The following PTPRG variants were observed in gnomAD, a reference collection of about 807,000 sequenced individuals.
The protein encoded by PTPRG is protein tyrosine phosphatase receptor type G.
A neutral mutation model predicts 165.3 loss-of-function variants in PTPRG; 102 were observed. That is an observed-to-expected ratio of 0.62 (90% CI 0.53 to 0.73). The LOEUF (loss-of-function observed/expected upper bound fraction) is 0.73. PTPRG is among the 30% of genes least tolerant of loss of function. PTPRG has a pLI of 0.00. For synonymous variants in PTPRG, 675 were observed against 669.5 expected (o/e 1.01, Z -0.13); for missense variants, 1,866 against 1,861.4 (o/e 1.00, Z -0.05).
intron 2 of PTPRG, among the ~76,000 whole-genome samples, chr3:61,768,014 C>G (rs1455128510): frequency 1.3e-5 from 2 of 149,640 alleles, no homozygotes; most frequent in Non-Finnish European, 3.0e-5. Flanking sequence ...TAATTTTGAT[C>G]TCTCACTACG....
At chr3:61,658,835 C>T (rs561682198) in intron 1 of PTPRG, among the ~76,000 whole-genome samples, 1 of 152,234 alleles carries the variant, frequency 6.6e-6, no homozygotes, top group African/African-American at 2.4e-5. Flanking sequence ...AGAAAAAGAC[C>T]ATCTTCAAGT....
intron 2 of PTPRG, among the ~76,000 whole-genome samples, chr3:61,892,750 A>AG (rs913491954): frequency 3.3e-5 from 5 of 151,290 alleles, no homozygotes; most frequent in African/African-American, 1.2e-4. Flanking sequence ...CGGGAGGGGG[A>AG]GGTTGCAGTG....
At chr3:62,201,709 T>G (rs970645992) in intron 11 of PTPRG, among the ~76,000 whole-genome samples, 155 bp downstream of exon 11, 1 of 152,220 alleles carries the variant, frequency 6.6e-6, no homozygotes, top group African/African-American at 2.4e-5. Context: ...TTTTTATAAT[T>G]CAGTACCTTA....
chr3:61,680,777 C>G lies in PTPRG; in HGVS notation c.86-68101C>G. 2.9e-5 allele frequency among the ~76,000 whole-genome samples: 2 copies of G among 69,512 alleles called. 1 individual carries two copies. The highest frequency in any genetic ancestry group is 3.1e-4 in the Admixed American group (2 of 6,488). The allele number at this position is 69,512 out of a possible 152,430, so 45.6% of individuals were successfully genotyped here. A position where few individuals can be genotyped will look rare whatever the true frequency, so the allele number is the denominator to read the frequency against. ...TGCAGGGAGGTGGGGATGGGGATGA[C>G]TAGGGTCACAGCAGGCAATAACTAG... On this transcript the variant is annotated intron_variant, in intron 1 of 29. Coordinates refer to ENST00000474889, the MANE Select transcript of PTPRG (RefSeq NM_002841.4).
At chr3:62,066,512 AGC>A (rs1701017744) in intron 4 of PTPRG, among the ~76,000 whole-genome samples, 1 of 78,044 alleles carries the variant, frequency 1.3e-5, no homozygotes, top group African/African-American at 3.0e-5. Flanking sequence ...TATTACAAAG[AGC>A]ACAAACACTG....
chr3:61,781,775 T>C (rs2034551056), intron 2 of PTPRG, among the ~76,000 whole-genome samples: 1 of 152,052 alleles, frequency 6.6e-6, no homozygotes. Flanking sequence ...TTATGTAGGC[T>C]GGAGTGCAGT....
chr3:61,628,794 A>T (rs1701686539), intron 1 of PTPRG, among the ~76,000 whole-genome samples: 1 of 152,148 alleles, frequency 6.6e-6, no homozygotes, highest in Non-Finnish European at 1.5e-5. Context: ...CTGCTTATTT[A>T]TTCATCCACA....
intron 1 of PTPRG, among the ~76,000 whole-genome samples, chr3:61,711,177 G>A (rs1186364576): frequency 6.6e-6 from 1 of 152,164 alleles, no homozygotes; most frequent in Non-Finnish European, 1.5e-5. Context: ...GTCATTGATA[G>A]ACATTTGGGT....
At position 62,131,795 on chromosome 3, in the gene PTPRG, C is replaced by T. The variant is rs769695995; in HGVS notation, c.616-807C>T. On this transcript the variant is annotated intron_variant, in intron 5 of 29. Transcript: ENST00000474889. The stretch of plus-strand genomic sequence containing the variant: ...AATCCTGTGGCATGTATACCCCGCT[C>T]ACTCCCCCTGCTGTTCACTCTTGGA... Among the ~76,000 whole-genome samples the T allele has an allele frequency of 1.1e-4, 17 of 152,310 alleles. No homozygotes were observed. In the South Asian group the frequency reaches 2.1e-3, roughly 19 times the overall value.
At chr3:61,602,608 A>G (rs1041822297) in intron 1 of PTPRG, among the ~76,000 whole-genome samples, 5 of 152,236 alleles carry the variant, frequency 3.3e-5, no homozygotes, top group African/African-American at 1.2e-4. Context: ...AACCTGCTTA[A>G]TTAACCAGAC....
chr3:61,810,670 T>G (rs961188859), intron 2 of PTPRG, among the ~76,000 whole-genome samples: 4 of 152,150 alleles, frequency 2.6e-5, no homozygotes, highest in African/African-American at 9.7e-5. Flanking sequence ...TGGACAGATT[T>G]CTCTTCTCAG....
chr3:62,183,548 AGT>A (rs1346160615), intron 8 of PTPRG, among the ~76,000 whole-genome samples: 1 of 148,264 alleles, frequency 6.7e-6, no homozygotes, highest in Non-Finnish European at 1.5e-5. Context: ...TAGGCGACAG[AGT>A]GAGACTCGTC....
Position 62,273,059 on chromosome 3 carries a change from G to GT in PTPRG, c.3297dup (p.Asn1100Ter). ...TTCCTGAAGCATATCAGGACACAGCGTAACTACCTCGTCCAGACTGAGGTA... is the reference window on the plus strand; with the variant it reads ...TTCCTGAAGCATATCAGGACACAGCGTTAACTACCTCGTCCAGACTGAGGTA... On this transcript the variant is annotated frameshift_variant, in exon 22 of 30. Coordinates refer to ENST00000474889, the MANE Select transcript of PTPRG (RefSeq NM_002841.4). LOFTEE classifies it high-confidence loss of function. This position sits in a 1 kb window ranked among gnomAD's most constrained non-coding sequence, Gnocchi z 4.1. 4 of 1,613,082 alleles carry GT rather than the reference G, an allele frequency of 2.5e-6. No homozygotes were observed. Among genetic ancestry groups the GT allele is most frequent in the Non-Finnish European group, 3.4e-6 (4 of 1,179,558 alleles).
chr3:62,149,270 C>CTT lies in PTPRG; in HGVS notation c.683-7782_683-7781dup, dbSNP rs11463679. 5.0e-3 allele frequency among the ~76,000 whole-genome samples: 686 copies of CTT among 137,942 alleles called. 5 individuals carry two copies. Among genetic ancestry groups the CTT allele is most frequent in the East Asian group, 0.011 (50 of 4,562 alleles). 90.5% of individuals were successfully genotyped at this position (137,942 alleles called of 152,430 possible). On this transcript the variant is annotated intron_variant, in intron 6 of 29. Coordinates refer to ENST00000474889, the MANE Select transcript of PTPRG (RefSeq NM_002841.4). ...CTCTGGGGTCCCCCTAGGGAGGCCT[C>CTT]TTTTTTTTTTTTTTTTCCCTCAAGG...
In PTPRG at chr3:62,119,808, T is replaced by C. The variant is rs1024780563; in HGVS notation, c.616-12794T>C. Among the ~76,000 whole-genome samples, 94 of 128,268 alleles carry C rather than the reference T, an allele frequency of 7.3e-4. 1 individual carries two copies. Among genetic ancestry groups the C allele is most frequent in the African/African-American group, 2.5e-3 (87 of 35,356 alleles). The allele number at this position is 128,268 out of a possible 152,430, so 84.1% of individuals were successfully genotyped here. On this transcript the variant is annotated intron_variant, in intron 5 of 29. Transcript: ENST00000474889. ...GCTAATTTTTTTTTTTTTTTTTTTT[T>C]GTATTTTAGTAGAGGCGGGGTTTCA... is the stretch of plus-strand genomic sequence containing the variant.
intron 15 of PTPRG, among the ~76,000 whole-genome samples, chr3:62,246,118 T>C (rs941144802): frequency 6.6e-6 from 1 of 152,170 alleles, no homozygotes; most frequent in African/African-American, 2.4e-5. Context: ...AATATAACTA[T>C]ATCAAAAGAA....
chr3:61,878,828 A>G (rs1235762381), intron 2 of PTPRG, among the ~76,000 whole-genome samples: 1 of 152,084 alleles, frequency 6.6e-6, no homozygotes, highest in Non-Finnish European at 1.5e-5. Flanking sequence ...ACACAATAGA[A>G]CCGTCCTATA....
At chr3:61,820,764 A>G (rs749698860) in intron 2 of PTPRG, among the ~76,000 whole-genome samples, 1 of 151,978 alleles carries the variant, frequency 6.6e-6, no homozygotes, top group Non-Finnish European at 1.5e-5. Flanking sequence ...AGCTAGCTAT[A>G]GCATTCATCT....
At chr3:62,096,978 AATATG>A (rs1330382604) in intron 5 of PTPRG, among the ~76,000 whole-genome samples, 1 of 152,194 alleles carries the variant, frequency 6.6e-6, no homozygotes, top group Non-Finnish European at 1.5e-5. Flanking sequence ...CCATCTTAGA[AATATG>A]AAGCAAAAAT....
Sources: allele counts gnomAD v4.1 joint callset (sites outside exome capture counted in the v4.1 genomes callset), GRCh38; gene constraint gnomAD v4.1.1; non-coding constraint Gnocchi (gnomAD v3.1); transcripts MANE v1.5; gene names NCBI Gene and HGNC (gene_info 2026-07-23, HGNC 2026-07-21).